RHBDF2: variants seen among roughly 807,000 people sequenced by gnomAD.
RHBDF2 encodes rhomboid 5 homolog 2, also known as inactive rhomboid protein 2.
In RHBDF2, 38 loss-of-function variants were observed where a neutral mutation model predicts 95.2. The ratio of observed to expected loss-of-function variants is 0.40; its 90% CI spans 0.31 to 0.52. The LOEUF is 0.52. RHBDF2 is among the 20% of genes least tolerant of loss of function. The pLI is 0.56. For synonymous variants in RHBDF2, 442 were observed against 462.0 expected, an observed-to-expected ratio of 0.96 and a Z score of 0.55; for missense variants, 863 against 1,137.7, an observed-to-expected ratio of 0.76 and a Z score of 3.47.
At position 76,494,125 on chromosome 17, in the gene RHBDF2, G is replaced by A. The variant is rs1228696131; in HGVS notation, c.-219-6216C>T. ...GTGTGAACCTGTGTGTGTGTGTTGC[G>A]GGGGGCTGGGGGGTGACATGTCATG... On this transcript the variant is annotated intron_variant, in intron 1 of 18. Transcript: ENST00000675367. 2.0e-5 allele frequency among the ~76,000 whole-genome samples: 3 copies of A among 152,042 alleles called. No homozygotes were observed. In the East Asian group the frequency reaches 5.8e-4, roughly 30 times the overall value.
At chr17:76,483,222 TA>T (rs2074023253) in intron 2 of RHBDF2, among the ~76,000 whole-genome samples, 1 of 152,188 alleles carries the variant, frequency 6.6e-6, no homozygotes, top group Non-Finnish European at 1.5e-5. Context: ...GCCCACACTC[TA>T]TCATTTTACC....
chr17:76,481,585 G>A (rs896567990), intron 2 of RHBDF2, 40 bp from the exon 3 acceptor site: 11 of 1,551,526 alleles, frequency 7.1e-6, no homozygotes, highest in South Asian at 2.3e-5. Context: ...GGCGGTGCGG[G>A]GTGGCGCAGT....
chr17:76,481,244 C>T, intron 3 of RHBDF2, 131 bp downstream of exon 3: 2 of 1,084,022 alleles, frequency 1.8e-6, no homozygotes, highest in Admixed American at 2.4e-5. Context: ...GGGCCCGAGT[C>T]AAGGGCTGCA....
At chr17:76,485,943 G>C (rs905591793) in intron 2 of RHBDF2, among the ~76,000 whole-genome samples, 1 of 152,088 alleles carries the variant, frequency 6.6e-6, no homozygotes, top group Non-Finnish European at 1.5e-5. Context: ...GCAGGGTAGT[G>C]GTTCTTAGGA....
At position 76,481,414 on chromosome 17, in the gene RHBDF2, CTCTT is replaced by C. The variant is rs1395070560; in HGVS notation, c.107_110del (p.Lys36ArgfsTer21). ...TGTCCTGCTCGCCAGGGGCCTGGGT[CTCTT>C]TCTCGGGTGGCGGGATGGTGATGGA... On this transcript the variant is annotated frameshift_variant, in exon 3 of 19. Transcript: ENST00000675367. LOFTEE classifies it high-confidence loss of function. 1 of 1,612,834 alleles carries C rather than the reference CTCTT, an allele frequency of 6.2e-7. No individual in the cohort carries two copies. The highest frequency in any genetic ancestry group is 1.1e-5 in the South Asian group (1 of 91,062).
At position 76,479,626 on chromosome 17, in the gene RHBDF2, C is replaced by T. The variant is rs928282639; in HGVS notation, c.272+107G>A. The stretch of plus-strand genomic sequence containing the variant: ...GACATTGCTCATTAATGCCGGCCTC[C>T]TCCTTCCAGAGAGGGGACGCAGGGA... On this transcript the variant is annotated intron_variant, in intron 4 of 18. Coordinates refer to ENST00000675367, the MANE Select transcript of RHBDF2 (RefSeq NM_001005498.4). The T allele has an allele frequency of 9.4e-6, 8 of 855,138 alleles. No homozygotes were observed. The African/African-American group carries it at 1.1e-4, about 12-fold the overall frequency. The allele number at this position is 855,138 out of a possible 1,614,324, so 53.0% of individuals were successfully genotyped here.
chr17:76,485,511 C>T (rs1165762449), intron 2 of RHBDF2, among the ~76,000 whole-genome samples: 1 of 150,716 alleles, frequency 6.6e-6, no homozygotes, highest in Non-Finnish European at 1.5e-5. Flanking sequence ...GAACCCAGGA[C>T]GGGGGGTGTG....
At chr17:76,480,738 C>T (rs377559477) in intron 3 of RHBDF2, among the ~76,000 whole-genome samples, 5 of 152,194 alleles carry the variant, frequency 3.3e-5, no homozygotes, top group African/African-American at 4.8e-5. Flanking sequence ...TCAAGGCCAG[C>T]GTGTGTTTTC....
intron 1 of RHBDF2, among the ~76,000 whole-genome samples, chr17:76,500,379 A>G (rs761143517): frequency 2.6e-5 from 4 of 152,176 alleles, no homozygotes; most frequent in Admixed American, 6.5e-5. Context: ...TGAGAACCAC[A>G]GCTCTAAAAC....
In RHBDF2 at chr17:76,479,792, C is replaced by T. The variant is rs146553433; in HGVS notation, c.213G>A (p.Glu71=). Residue 71 remains glutamate, a synonymous_variant, in exon 4 of 19, where the codon GAG becomes GAA. Coordinates refer to ENST00000675367, the MANE Select transcript of RHBDF2 (RefSeq NM_001005498.4). ...GGAAGCCAGGGCGCTTCTCTGAACT[C>T]TCCTGCCATCGGCTGCGTGGCTCCT... ...SLQEPRSRWQ[E]SSEKRPGFRR... 946 of 1,613,174 alleles carry T rather than the reference C, an allele frequency of 5.9e-4. 1 individual carries two copies. The highest frequency in any genetic ancestry group is 7.3e-4 in the Non-Finnish European group (861 of 1,179,862).
At position 76,471,291 on chromosome 17, in the gene RHBDF2, A is replaced by G. The variant is rs2073549599; in HGVS notation, c.*342T>C. 7.5e-6 allele frequency: 2 copies of G among 266,692 alleles called. No individual in the cohort carries two copies. The allele number at this position is 266,692 out of a possible 1,614,324, so 16.5% of individuals were successfully genotyped here. A position where few individuals can be genotyped will look rare whatever the true frequency, so the allele number is the denominator to read the frequency against. On this transcript the variant is annotated 3_prime_UTR_variant, in exon 19 of 19. Transcript: ENST00000675367. ...TGGGGGAGAAGGCACCAGCAGAGGC[A>G]GCGCTGAGGACCTGGGAAGAAAAGG...
chr17:76,475,587 C>CTT (rs1052462865), intron 9 of RHBDF2, among the ~76,000 whole-genome samples: 2 of 145,078 alleles, frequency 1.4e-5, no homozygotes, highest in African/African-American at 2.5e-5. Context: ...CTTTTCTTTT[C>CTT]TTTTTTTTTT....
chr17:76,476,723 A>AGAT, intron 9 of RHBDF2, 107 bp downstream of exon 9: 2 of 1,433,238 alleles, frequency 1.4e-6, no homozygotes, highest in Non-Finnish European at 1.8e-6. Flanking sequence ...GATCCGCAGA[A>AGAT]GATGCTCATG....
At chr17:76,498,789 AGTGTGTGTGTGTGT>A (rs60130089) in intron 1 of RHBDF2, among the ~76,000 whole-genome samples, 21 of 143,772 alleles carry the variant, frequency 1.5e-4, no homozygotes, top group African/African-American at 4.8e-4. Flanking sequence ...AGAGAAAGAG[AGTGTGTGTGTGTGT>A]GTGTGTGTGT....
At chr17:76,490,256 A>G (rs867804118) in intron 1 of RHBDF2, among the ~76,000 whole-genome samples, 24 of 152,148 alleles carry the variant, frequency 1.6e-4, no homozygotes, top group Middle Eastern at 3.4e-3. Context: ...GCCTCCTTCC[A>G]TCCCGAAGTG....
rs777054992 is a variant in RHBDF2 at position 76,481,519 on chromosome 17, G to C, written c.6C>G (p.Ala2=). The change falls in exon 3 of 19, where the codon GCC becomes GCG. Residue 2 remains alanine, a synonymous_variant. Transcript: ENST00000675367. ...CGCTCCCGCCATTCTTGTCAGCAGA[G>C]GCCATTGTGGGCAGGAGGCGGGAGG... The part of the protein sequence containing the change: M[A]SADKNGGSVS... 1.9e-6 allele frequency: 3 copies of C among 1,608,966 alleles called. No homozygotes were observed. Among genetic ancestry groups the C allele is most frequent in the South Asian group, 2.2e-5 (2 of 91,042 alleles).
At position 76,479,392 on chromosome 17, in the gene RHBDF2, C is replaced by T. The variant is rs962777900; in HGVS notation, c.273-115G>A. The T allele has an allele frequency of 2.8e-5, 40 of 1,440,760 alleles. 1 individual carries two copies. The highest frequency in any genetic ancestry group is 3.9e-5 in the Admixed American group (2 of 50,880). 89.2% of individuals were successfully genotyped at this position (1,440,760 alleles called of 1,614,324 possible). ...CGCGTGCCTACAGGGAGGTGGGGGG[C>T]GGATCTGCCTGTGAGGCCCCTGGCT... On this transcript the variant is annotated intron_variant, in intron 4 of 18. Transcript: ENST00000675367.
Position 76,471,517 on chromosome 17 carries a change from C to T in RHBDF2, c.*116G>A, listed in dbSNP as rs553431491. 239 of 1,214,568 alleles carry T rather than the reference C, an allele frequency of 2.0e-4. No homozygotes were observed. The African/African-American group carries it at 3.2e-3, about 16-fold the overall frequency. 75.2% of individuals were successfully genotyped at this position (1,214,568 alleles called of 1,614,324 possible). A position where few individuals can be genotyped will look rare whatever the true frequency, so the allele number is the denominator to read the frequency against. On this transcript the variant is annotated 3_prime_UTR_variant, in exon 19 of 19. Coordinates refer to ENST00000675367, the MANE Select transcript of RHBDF2 (RefSeq NM_001005498.4). ...CAGGGGGGCACCCAGGTCCAGAGCC[C>T]GGGCCCTGTCTTGGGTCTCTGGCTC...
intron 2 of RHBDF2, chr17:76,481,810 T>C (rs78883034): frequency 0.024 from 5,538 of 228,962 alleles, 213 homozygotes; most frequent in South Asian, 0.12. Flanking sequence ...AAAAATTAGC[T>C]AGGCGTGGTG....
Sources: gnomAD v4.1 joint callset for allele counts (sites outside exome capture counted in the v4.1 genomes callset) on GRCh38, gnomAD v4.1.1 for gene constraint, MANE v1.5 for transcripts, NCBI Gene and HGNC (gene_info 2026-07-23, HGNC 2026-07-21) for gene names.